DEFB124: variants seen among roughly 807,000 people sequenced by gnomAD.
The protein encoded by DEFB124 is beta-defensin 124.
For missense variants in DEFB124, 78 were observed against 83.1 expected (o/e 0.94, Z 0.24); for synonymous variants, 38 against 36.5 (o/e 1.04, Z -0.15).
chr20:31,469,875 G>A (rs1326192247), intron 2 of DEFB124, among the ~76,000 whole-genome samples: 2 of 148,344 alleles, frequency 1.3e-5, no homozygotes, highest in Non-Finnish European at 3.0e-5. Context: ...GCAACCATCC[G>A]ATTTCTCAAT....
chr20:31,468,712 T>C (rs1980145656), intron 2 of DEFB124, among the ~76,000 whole-genome samples: 1 of 152,108 alleles, frequency 6.6e-6, no homozygotes, highest in Non-Finnish European at 1.5e-5. Context: ...CTTGACCTCA[T>C]GATCCACCCG....
intron 2 of DEFB124, among the ~76,000 whole-genome samples, chr20:31,470,239 T>A (rs1169143595): frequency 7.4e-6 from 1 of 134,300 alleles, no homozygotes; most frequent in Admixed American, 7.2e-5. Flanking sequence ...ACAAGGCGGC[T>A]GGCCGGGCGG....
At position 31,469,389 on chromosome 20, in the gene DEFB124, C is replaced by T. The variant is rs187338942; in HGVS notation, c.58+3567G>A. Among the ~76,000 whole-genome samples, 331 of 151,954 alleles carry T rather than the reference C, an allele frequency of 2.2e-3. 1 individual carries two copies. Among genetic ancestry groups the T allele is most frequent in the African/African-American group, 7.6e-3 (313 of 41,418 alleles). On this transcript the variant is annotated intron_variant, in intron 2 of 2. Coordinates refer to ENST00000317676, the MANE Select transcript of DEFB124 (RefSeq NM_001037500.2). ...AGTGAGCTGAGATCATGCCATTGCA[C>T]GAGCAACAAGAATGAAACTCCATCT...
chr20:31,472,462 G>GGAGAGGA (rs1980359990), intron 2 of DEFB124: 1 of 150,924 alleles, frequency 6.6e-6, no homozygotes, highest in African/African-American at 2.5e-5. Context: ...AGGGGAGAGG[G>GGAGAGGA]GAGAGGGGAG....
At chr20:31,471,011 A>ACCC (rs1980267623) in intron 2 of DEFB124, among the ~76,000 whole-genome samples, 2 of 103,990 alleles carry the variant, frequency 1.9e-5, no homozygotes, top group Admixed American at 1.1e-4. Flanking sequence ...CAGGGGGCTG[A>ACCC]CCTCACCTCC....
intron 2 of DEFB124, among the ~76,000 whole-genome samples, chr20:31,469,125 A>T (rs1394381257): frequency 6.6e-6 from 1 of 152,184 alleles, no homozygotes; most frequent in Non-Finnish European, 1.5e-5. Flanking sequence ...AAAGTTTTTA[A>T]AAAGAAAAAA....
At chr20:31,474,554 C>T (rs1246128836) in intron 1 of DEFB124, among the ~76,000 whole-genome samples, 73 bp downstream of exon 1, 1 of 152,204 alleles carries the variant, frequency 6.6e-6, no homozygotes, top group Non-Finnish European at 1.5e-5. Context: ...GGAGGCAGCC[C>T]AGTCAAAGAG....
intron 2 of DEFB124, among the ~76,000 whole-genome samples, chr20:31,471,128 G>A (rs1395622091): frequency 7.8e-6 from 1 of 128,522 alleles, no homozygotes. Context: ...GGCTGGCCGG[G>A]CGGGGGGTTG....
At position 31,473,026 on chromosome 20, in the gene DEFB124, C is replaced by G; in HGVS notation, c.-13G>C. On this transcript the variant is annotated 5_prime_UTR_variant, in exon 2 of 3. Coordinates refer to ENST00000317676, the MANE Select transcript of DEFB124 (RefSeq NM_001037500.2). Reference sequence around the variant, plus strand: ...GCAGCTGTGTCATGGCCACGGGGCTCCTGGGGAGGCTGCTGGAGAGAGCAC... The same window carrying G: ...GCAGCTGTGTCATGGCCACGGGGCTGCTGGGGAGGCTGCTGGAGAGAGCAC... 6.2e-7 allele frequency: 1 copy of G among 1,613,858 alleles called. No homozygotes were observed. The highest frequency in any genetic ancestry group is 8.5e-7 in the Non-Finnish European group (1 of 1,179,970).
chr20:31,471,158 G>A (rs1376542334), intron 2 of DEFB124, among the ~76,000 whole-genome samples: 6 of 129,152 alleles, frequency 4.6e-5, no homozygotes, highest in South Asian at 2.6e-4. Flanking sequence ...CCTCCCTCCC[G>A]GACGAGGCGG....
At chr20:31,469,337 C>T (rs1019354176) in intron 2 of DEFB124, among the ~76,000 whole-genome samples, 3 of 152,150 alleles carry the variant, frequency 2.0e-5, no homozygotes, top group Non-Finnish European at 4.4e-5. Flanking sequence ...GCAGGAGAAT[C>T]GCTTGAACCC....
At chr20:31,471,215 TG>T (rs1194218250) in intron 2 of DEFB124, among the ~76,000 whole-genome samples, 1 of 93,606 alleles carries the variant, frequency 1.1e-5, no homozygotes, top group Non-Finnish European at 2.1e-5. Flanking sequence ...CCGGACGGGG[TG>T]GCTAGCCAGG....
At chr20:31,474,553 C>T (rs1251293647) in intron 1 of DEFB124, among the ~76,000 whole-genome samples, 74 bp downstream of exon 1, 1 of 152,196 alleles carries the variant, frequency 6.6e-6, no homozygotes, top group Admixed American at 6.5e-5. Flanking sequence ...GGGAGGCAGC[C>T]CAGTCAAAGA....
intron 2 of DEFB124, among the ~76,000 whole-genome samples, chr20:31,470,304 T>G (rs1350896826): frequency 4.2e-5 from 3 of 71,298 alleles, no homozygotes; most frequent in Admixed American, 1.5e-4. Context: ...GGCAGAGGGG[T>G]TCCTCACTTC....
At chr20:31,471,687 G>GAT (rs1980316816) in intron 2 of DEFB124, among the ~76,000 whole-genome samples, 2 of 149,104 alleles carry the variant, frequency 1.3e-5, no homozygotes, top group African/African-American at 5.0e-5. Context: ...CTTCTCAGAC[G>GAT]GGGCGGCTGG....
At chr20:31,469,539 C>T (rs1283212143) in intron 2 of DEFB124, among the ~76,000 whole-genome samples, 1 of 151,152 alleles carries the variant, frequency 6.6e-6, no homozygotes, top group Non-Finnish European at 1.5e-5. Context: ...GAGGGAAGGT[C>T]GGCAGATAAA....
intron 2 of DEFB124, among the ~76,000 whole-genome samples, chr20:31,467,494 T>A (rs1453293035): frequency 6.6e-6 from 1 of 152,208 alleles, no homozygotes; most frequent in East Asian, 1.9e-4. Context: ...CAGTTCCTCA[T>A]CTGTACAACT....
intron 2 of DEFB124, among the ~76,000 whole-genome samples, chr20:31,470,509 C>T (rs1304191888): frequency 3.0e-5 from 4 of 132,146 alleles, no homozygotes; most frequent in Non-Finnish European, 6.5e-5. Context: ...GGCGGCTGGG[C>T]AGAGGCGCCC....
rs764954720 is a variant in DEFB124, at chr20:31,465,594, G to A, written c.128C>T (p.Thr43Ile). The change falls in exon 3 of 3, where the codon ACT (threonine) becomes ATT (isoleucine). Residue 43 changes from threonine to isoleucine, a missense_variant. Thr to Ile is a moderately conservative substitution (Grantham distance 89, BLOSUM62 -1). Coordinates refer to ENST00000317676, the MANE Select transcript of DEFB124 (RefSeq NM_001037500.2). The part of the protein sequence containing the change: ...ACQTYCTRQE[T>I]YMHLCPDASL... ...CGCATCCGGGCACAGGTGCATGTAA[G>A]TTTCTTGCCTTGTGCAGTAAGTTTG... is the stretch of plus-strand genomic sequence containing the variant. 2.5e-6 allele frequency: 4 copies of A among 1,614,212 alleles called. No individual in the cohort carries two copies. Among genetic ancestry groups the A allele is most frequent in the Non-Finnish European group, 3.4e-6 (4 of 1,180,032 alleles).
Sources: allele counts gnomAD v4.1 joint callset (sites outside exome capture counted in the v4.1 genomes callset), GRCh38; gene constraint gnomAD v4.1.1; transcripts MANE v1.5; gene names NCBI Gene and HGNC (gene_info 2026-07-23, HGNC 2026-07-21).